The following PFKFB4 variants were observed in gnomAD, a reference collection of about 807,000 sequenced individuals.
The protein encoded by PFKFB4 is 6-phosphofructo-2-kinase/fructose-2,6-bisphosphatase 4.
In PFKFB4, 42 loss-of-function variants were observed where a neutral mutation model predicts 62.8. The observed-to-expected ratio is 0.67, with a 90% confidence interval of 0.52 to 0.86. The LOEUF (loss-of-function observed/expected upper bound fraction) is 0.86, where lower values mean the gene tolerates loss of function less well. Ranked by LOEUF, PFKFB4 falls within the 40% of genes least tolerant of loss-of-function variation. The pLI, the probability that PFKFB4 is intolerant of heterozygous loss-of-function variation, is 0.00. For missense variants in PFKFB4, 475 were observed against 627.2 expected (o/e 0.76, Z 2.59); for synonymous variants, 204 against 240.7 (o/e 0.85, Z 1.41).
At chr3:48,528,625 T>C (rs2042337664) in intron 9 of PFKFB4, among the ~76,000 whole-genome samples, 1 of 152,204 alleles carries the variant, frequency 6.6e-6, no homozygotes. Context: ...ATCGTGCTAC[T>C]GCACTCAGCC....
intron 9 of PFKFB4, among the ~76,000 whole-genome samples, chr3:48,529,814 C>T (rs905627214): frequency 8.5e-5 from 13 of 152,066 alleles, no homozygotes; most frequent in Non-Finnish European, 1.6e-4. Context: ...ATTAGCCAGG[C>T]GTAGTGTTGC....
chr3:48,523,903 G>T lies in PFKFB4; in HGVS notation c.1093-73C>A, dbSNP rs1023384869. 3.4e-6 allele frequency: 5 copies of T among 1,481,888 alleles called. No homozygotes were observed. In the African/African-American group the frequency reaches 6.9e-5, roughly 21 times the overall value. The allele number at this position is 1,481,888 out of a possible 1,614,324, so 91.8% of individuals were successfully genotyped here. A position where few individuals can be genotyped will look rare whatever the true frequency, so the allele number is the denominator to read the frequency against. ...GGGACAGACACATCCTGGACACTGG[G>T]CCACCTTCCACTCCTGCAGCTACTC... On this transcript the variant is annotated intron_variant, in intron 10 of 13. Transcript: ENST00000232375.
chr3:48,542,776 G>GAA (rs1189222031), intron 4 of PFKFB4, among the ~76,000 whole-genome samples: 3 of 152,106 alleles, frequency 2.0e-5, no homozygotes, highest in Non-Finnish European at 4.4e-5. Context: ...AGTTCTAAGG[G>GAA]AAAAGCACTT....
chr3:48,550,323 G>A, intron 1 of PFKFB4, 89 bp from the exon 2 acceptor site: 1 of 825,678 alleles, frequency 1.2e-6, no homozygotes, highest in Non-Finnish European at 2.1e-6. Context: ...CAGCCTCAGG[G>A]CATGGGACTG....
intron 3 of PFKFB4, among the ~76,000 whole-genome samples, chr3:48,546,457 A>G (rs2042968991): frequency 6.6e-6 from 1 of 152,184 alleles, no homozygotes; most frequent in Admixed American, 6.5e-5. Context: ...ACAGATCCAC[A>G]TGTGCATACA....
At chr3:48,527,145 G>A (rs898814471) in intron 9 of PFKFB4, among the ~76,000 whole-genome samples, 3 of 152,034 alleles carry the variant, frequency 2.0e-5, no homozygotes, top group Non-Finnish European at 2.9e-5. Flanking sequence ...GCATGGCCCC[G>A]CTGACGCCTT....
intron 1 of PFKFB4, among the ~76,000 whole-genome samples, chr3:48,555,134 C>T (rs898765244): frequency 1.3e-5 from 2 of 151,646 alleles, no homozygotes; most frequent in African/African-American, 4.9e-5. Context: ...GTCAGGACCA[C>T]ACAGCCCTAA....
At chr3:48,560,988 C>T (rs1213987797), upstream of PFKFB4, 14 of 932,154 alleles carry the variant, frequency 1.5e-5, no homozygotes, top group Non-Finnish European at 2.0e-5. Context: ...CCCTCCAGCA[C>T]CACCCTGACT....
chr3:48,562,419 A>G (rs916273338), upstream of PFKFB4: 2 of 269,070 alleles, frequency 7.4e-6, no homozygotes, highest in Non-Finnish European at 1.4e-5. This position sits in a 1 kb window ranked among gnomAD's most constrained non-coding sequence, Gnocchi z 4.3. Flanking sequence ...TTCTGTGACT[A>G]TGGGGCACCC....
chr3:48,535,321 T>A (rs1252640149), intron 9 of PFKFB4, among the ~76,000 whole-genome samples, 191 bp downstream of exon 9: 1 of 152,134 alleles, frequency 6.6e-6, no homozygotes, highest in African/African-American at 2.4e-5. Flanking sequence ...CTCCTGAGAA[T>A]GGTCTAGGGC....
rs1248521825 is a variant in PFKFB4, at chr3:48,519,708, G to C, written c.*39C>G. The C allele has an allele frequency of 2.7e-6, 4 of 1,502,112 alleles. No homozygotes were observed. The Admixed American group carries it at 5.0e-5, about 19-fold the overall frequency. The allele number at this position is 1,502,112 out of a possible 1,614,324, so 93.0% of individuals were successfully genotyped here. ...GGCCTGGAATGACCCCCTCTGCAGA[G>C]AGCAGTGCCTGCCTAGTGGTCACAG... On this transcript the variant is annotated 3_prime_UTR_variant, in exon 14 of 14. Coordinates refer to ENST00000232375, the MANE Select transcript of PFKFB4 (RefSeq NM_004567.4).
At chr3:48,531,502 G>A (rs1055830563) in intron 9 of PFKFB4, among the ~76,000 whole-genome samples, 2 of 149,338 alleles carry the variant, frequency 1.3e-5, no homozygotes, top group African/African-American at 2.5e-5. Context: ...GTGCAGTGGC[G>A]TGATCTCAGC....
intron 1 of PFKFB4, among the ~76,000 whole-genome samples, chr3:48,551,866 C>T (rs1468288387): frequency 4.6e-5 from 7 of 152,124 alleles, no homozygotes; most frequent in Admixed American, 2.0e-4. Flanking sequence ...CCATCAAACG[C>T]GGTCTCACGT....
At chr3:48,556,835 G>C, upstream of PFKFB4, 4 of 1,527,998 alleles carry the variant, frequency 2.6e-6, no homozygotes, top group South Asian at 1.2e-5. The surrounding 1 kb of genome is among the most constrained non-coding windows in gnomAD (Gnocchi z 5.7). Flanking sequence ...GGGCCACCTC[G>C]GGCCACCCGA....
In PFKFB4 at chr3:48,517,750, T is replaced by C. The variant is rs1298720850; in HGVS notation, c.*1997A>G. On this transcript the variant is annotated 3_prime_UTR_variant, in exon 14 of 14. Transcript: ENST00000232375. ...AGTGTTGCATGTGGCTGAGATTCAA[T>C]ACCATCCATTCTGGGGAACTCGGGA... 6.5e-6 allele frequency: 1 copy of C among 152,686 alleles called. No individual in the cohort carries two copies. Among genetic ancestry groups the C allele is most frequent in the Non-Finnish European group, 1.5e-5 (1 of 68,050 alleles). The allele number at this position is 152,686 out of a possible 1,614,324, so 9.5% of individuals were successfully genotyped here.
intron 8 of PFKFB4, among the ~76,000 whole-genome samples, chr3:48,535,878 C>T (rs9882962): frequency 0.068 from 10,327 of 152,270 alleles, 563 homozygotes; most frequent in African/African-American, 0.14. Context: ...AGCACAGTTA[C>T]AGCTGAGACT....
intron 2 of PFKFB4, 78 bp downstream of exon 2, chr3:48,550,040 T>C (rs1414534563): frequency 1.4e-6 from 2 of 1,412,674 alleles, no homozygotes; most frequent in East Asian, 2.3e-5. Context: ...CCAGGCCAAA[T>C]AATAGAGAAT....
At chr3:48,527,648 G>C (rs1352074455) in intron 9 of PFKFB4, among the ~76,000 whole-genome samples, 1 of 151,600 alleles carries the variant, frequency 6.6e-6, no homozygotes, top group African/African-American at 2.4e-5. Flanking sequence ...AGGCACAGAA[G>C]GAAGTGAAGA....
intron 10 of PFKFB4, among the ~76,000 whole-genome samples, chr3:48,525,188 A>T (rs1171634231): frequency 6.6e-6 from 1 of 152,170 alleles, no homozygotes; most frequent in Non-Finnish European, 1.5e-5. Flanking sequence ...TGGGAATGCC[A>T]GGGGACCGCA....
Sources: gnomAD v4.1 joint callset for allele counts (sites outside exome capture counted in the v4.1 genomes callset) on GRCh38, gnomAD v4.1.1 for gene constraint, Gnocchi (gnomAD v3.1) non-coding constraint, MANE v1.5 for transcripts, NCBI Gene and HGNC (gene_info 2026-07-23, HGNC 2026-07-21) for gene names.